The following INTS13 variants were observed in gnomAD, a reference collection of about 807,000 sequenced individuals.
INTS13 encodes integrator complex subunit 13.
Under a neutral mutation model 90.2 loss-of-function variants are expected in INTS13, and 35 were observed. That is an observed-to-expected ratio of 0.39 (90% CI 0.30 to 0.51). INTS13 has a LOEUF of 0.51. Ranked by LOEUF, INTS13 falls within the 20% of genes least tolerant of loss-of-function variation. INTS13 has a pLI of 0.80. For synonymous variants in INTS13, 309 were observed against 277.1 expected, an observed-to-expected ratio of 1.11 and a Z score of -1.14; for missense variants, 601 against 851.2, an observed-to-expected ratio of 0.71 and a Z score of 3.66.
chr12:26,906,246 T>C, intron 16 of INTS13, 56 bp downstream of exon 16: 1 of 1,462,038 alleles, frequency 6.8e-7, no homozygotes, highest in East Asian at 2.4e-5. Context: ...GCAATGATTG[T>C]TAAGGTACTA....
At chr12:26,915,959 T>C in intron 11 of INTS13, 43 bp downstream of exon 11, 2 of 1,435,642 alleles carry the variant, frequency 1.4e-6, no homozygotes, top group Non-Finnish European at 1.9e-6. Context: ...TGCTGAATGA[T>C]GACAGATTCA....
At chr12:26,928,390 C>T (rs1337523315) in intron 4 of INTS13, 105 bp from the exon 5 acceptor site, 1 of 898,756 alleles carries the variant, frequency 1.1e-6, no homozygotes, top group East Asian at 2.6e-5. Flanking sequence ...TTTAAAGTTA[C>T]TTCACTAAGG....
intron 6 of INTS13, among the ~76,000 whole-genome samples, chr12:26,924,883 C>T (rs2137514362): frequency 6.6e-6 from 1 of 152,208 alleles, no homozygotes; most frequent in Non-Finnish European, 1.5e-5. Context: ...CAAAACCCTG[C>T]AGATAAAACT....
chr12:26,934,568 T>G lies in INTS13; in HGVS notation c.288A>C (p.Gln96His). The G allele has an allele frequency of 1.2e-6, 2 of 1,611,386 alleles. No individual in the cohort carries two copies. Among genetic ancestry groups the G allele is most frequent in the Non-Finnish European group, 1.7e-6 (2 of 1,177,588 alleles). ...HVLNSWTQED[Q>H]NLQELMAALA... is the part of the protein sequence containing the mutation. ...AATCTAACCATACCTCCTGTAAATT[T>G]TGGTCTTCTTGAGTCCAAGAATTTA... Residue 96 changes from glutamine to histidine, a missense_variant, in exon 3 of 17, where the codon CAA becomes CAC. Gln to His is a conservative substitution (Grantham distance 24). Coordinates refer to ENST00000261191, the MANE Select transcript of INTS13 (RefSeq NM_018164.3).
At chr12:26,938,007 A>ACACACACACACACACACACACACG (rs1207741150), upstream of INTS13, 2 of 152,444 alleles carry the variant, frequency 1.3e-5, no homozygotes, top group African/African-American at 4.8e-5. Flanking sequence ...GCACACACAC[A>ACACACACACACACACACACACACG]CACGCACTCG....
At chr12:26,930,427 C>T (rs2129094) in intron 3 of INTS13, among the ~76,000 whole-genome samples, 37,497 of 152,090 alleles carry the variant, frequency 0.25, 5,082 homozygotes, top group East Asian at 0.49. Flanking sequence ...TAGTACGGTA[C>T]TGGCACAAGA....
At chr12:26,927,157 AGT>A (rs1937921265) in intron 5 of INTS13, among the ~76,000 whole-genome samples, 1 of 152,256 alleles carries the variant, frequency 6.6e-6, no homozygotes, top group East Asian at 1.9e-4. Context: ...AGAAAACTGA[AGT>A]GTTTCCCTGA....
rs963581329 is a variant in INTS13, at chr12:26,905,510, G to A, written c.2108C>T (p.Ala703Val). The change falls in exon 17 of 17, where the codon GCC (alanine) becomes GTC (valine). Residue 703 changes from alanine to valine, a missense_variant. By Grantham distance (64) the Ala-to-Val change is moderately conservative. Transcript: ENST00000261191. ...NGMETTENGK[A>V]SRQ ...TCAAGTCACTCTTCACTGCCGGCTGGCTTTTCCATTTTCTGTTGTCTCCAT... is the reference window on the plus strand; with the variant it reads ...TCAAGTCACTCTTCACTGCCGGCTGACTTTTCCATTTTCTGTTGTCTCCAT... 3.1e-6 allele frequency: 5 copies of A among 1,611,104 alleles called. No individual in the cohort carries two copies. The highest frequency in any genetic ancestry group is 3.4e-6 in the Non-Finnish European group (4 of 1,178,960).
At chr12:26,937,326 A>G (rs928602892) in intron 1 of INTS13, among the ~76,000 whole-genome samples, 1 of 152,136 alleles carries the variant, frequency 6.6e-6, no homozygotes, top group Non-Finnish European at 1.5e-5. Context: ...AAAGGCCAAA[A>G]CAAAGATAAA....
chr12:26,932,336 G>C (rs898069257), intron 3 of INTS13, among the ~76,000 whole-genome samples: 2 of 152,156 alleles, frequency 1.3e-5, no homozygotes, highest in Non-Finnish European at 2.9e-5. Flanking sequence ...TCAAGAACTA[G>C]AGGCACCAAT....
intron 3 of INTS13, 163 bp from the exon 4 acceptor site, chr12:26,929,068 C>T (rs1938045499): frequency 3.3e-6 from 2 of 608,012 alleles, no homozygotes; most frequent in Admixed American, 3.2e-5. Context: ...AAGAATTATA[C>T]ACCATGAACA....
Position 26,905,370 on chromosome 12 carries a change from A to G in INTS13, c.*127T>C, listed in dbSNP as rs745429819. 5 of 788,258 alleles carry G rather than the reference A, an allele frequency of 6.3e-6. No individual in the cohort carries two copies. Among genetic ancestry groups the G allele is most frequent in the African/African-American group, 1.8e-5 (1 of 55,182 alleles). 48.8% of individuals were successfully genotyped at this position (788,258 alleles called of 1,614,324 possible). A position where few individuals can be genotyped will look rare whatever the true frequency, so the allele number is the denominator to read the frequency against. ...TAATTAGTACAAAAATGACAGCTGA[A>G]ATATTTTAAAAATGTAAAAACCAGT... On this transcript the variant is annotated 3_prime_UTR_variant, in exon 17 of 17. Transcript: ENST00000261191.
At chr12:26,917,477 A>G in intron 9 of INTS13, 36 bp from the exon 10 acceptor site, 1 of 1,291,980 alleles carries the variant, frequency 7.7e-7, no homozygotes. Flanking sequence ...GAAAGAATAT[A>G]AAGAAATATT....
At chr12:26,927,578 C>T (rs1013251098) in intron 5 of INTS13, among the ~76,000 whole-genome samples, 2 of 152,278 alleles carry the variant, frequency 1.3e-5, no homozygotes, top group African/African-American at 4.8e-5. Context: ...ACAACTTGCA[C>T]ATTTAACAAT....
intron 15 of INTS13, among the ~76,000 whole-genome samples, chr12:26,909,472 CTTTTTT>C (rs756908915): frequency 7.9e-6 from 1 of 127,076 alleles, no homozygotes. Context: ...AGATAATACT[CTTTTTT>C]TTTTTTTTTT....
chr12:26,911,387 T>A, intron 14 of INTS13, 70 bp from the exon 15 acceptor site: 1 of 1,309,688 alleles, frequency 7.6e-7, no homozygotes, highest in Non-Finnish European at 1.0e-6. Context: ...ATAATTAAAC[T>A]AACTTTGCAT....
intron 5 of INTS13, among the ~76,000 whole-genome samples, chr12:26,926,422 T>A (rs1253166510): frequency 1.3e-5 from 2 of 152,252 alleles, no homozygotes; most frequent in Non-Finnish European, 2.9e-5. Context: ...GTACACTTTT[T>A]AATTAAACCA....
At chr12:26,910,016 G>A (rs1279409427) in intron 15 of INTS13, among the ~76,000 whole-genome samples, 1 of 152,068 alleles carries the variant, frequency 6.6e-6, no homozygotes, top group African/African-American at 2.4e-5. Context: ...GATAACTAAA[G>A]CCTAGAACGA....
Position 26,913,570 on chromosome 12 carries a change from G to A in INTS13, c.1692C>T (p.Pro564=), listed in dbSNP as rs1380700375. ...GTTTCTTTCGTTCTTCCTCTTCTGG[G>A]GGTTTGCTCCTGCATGCCATCAGAC... ...LECLMACRSK[P]PEEEERKKRG... is the part of the protein sequence containing the mutation. Residue 564 remains proline (P), a synonymous_variant, in exon 14 of 17, where the codon CCC becomes CCT. Coordinates refer to ENST00000261191, the MANE Select transcript of INTS13 (RefSeq NM_018164.3). 33 of 1,613,900 alleles carry A rather than the reference G, an allele frequency of 2.0e-5. No homozygotes were observed. The highest frequency in any genetic ancestry group is 2.8e-5 in the Non-Finnish European group (33 of 1,179,972).
Sources: allele counts gnomAD v4.1 joint callset (sites outside exome capture counted in the v4.1 genomes callset), GRCh38; gene constraint gnomAD v4.1.1; transcripts MANE v1.5; gene names NCBI Gene and HGNC (gene_info 2026-07-23, HGNC 2026-07-21).